The following CYTH1 variants were observed in gnomAD, a reference collection of about 807,000 sequenced individuals.
The protein encoded by CYTH1 is cytohesin-1.
In CYTH1, 18 loss-of-function variants were observed where a neutral mutation model predicts 61.8. The observed-to-expected ratio is 0.29, with a 90% CI of 0.20 to 0.43. The LOEUF is 0.43. CYTH1 is among the 20% of genes least tolerant of loss of function. CYTH1 has a pLI of 1.00. For missense variants in CYTH1, 336 were observed against 510.5 expected (o/e 0.66, Z 3.29); for synonymous variants, 174 against 184.3 (o/e 0.94, Z 0.45).
At position 78,743,282 on chromosome 17, in the gene CYTH1, C is replaced by G. The variant is rs141942369; in HGVS notation, c.23-33550G>C. ...TGGTAGAGAATTCTCCCATCATCTC[C>G]GTCCACTCACCAGCCCCTCCTTCTC... On this transcript the variant is annotated intron_variant, in intron 1 of 13. Coordinates refer to ENST00000446868, the MANE Select transcript of CYTH1 (RefSeq NM_004762.6). 1.2e-4 allele frequency among the ~76,000 whole-genome samples: 18 copies of G among 152,266 alleles called. No homozygotes were observed. In the East Asian group the frequency reaches 2.9e-3, roughly 24 times the overall value.
chr17:78,684,735 C>T (rs1017883600), intron 11 of CYTH1, among the ~76,000 whole-genome samples: 2 of 151,982 alleles, frequency 1.3e-5, no homozygotes, highest in Non-Finnish European at 2.9e-5. Context: ...TGGGATATTT[C>T]GAGTGGTATT....
intron 1 of CYTH1, among the ~76,000 whole-genome samples, chr17:78,714,634 T>C (rs539037572): frequency 1.3e-5 from 2 of 152,106 alleles, no homozygotes; most frequent in Non-Finnish European, 2.9e-5. Context: ...CCTCCATATG[T>C]AGACAGCGGA....
At chr17:78,728,519 G>C (rs1227512367) in intron 1 of CYTH1, among the ~76,000 whole-genome samples, 1 of 151,624 alleles carries the variant, frequency 6.6e-6, no homozygotes, top group Non-Finnish European at 1.5e-5. Context: ...TTGCACTCCA[G>C]CCTGGGTAAT....
rs2093421071 is a variant in CYTH1, at chr17:78,760,462, T to TATATATATGTATATATATATACATAC, written c.22+21739_22+21740insGTATGTATATATATATACATATATAT. Among the ~76,000 whole-genome samples the TATATATATGTATATATATATACATAC allele has an allele frequency of 4.1e-5, 2 of 49,284 alleles. 1 individual carries two copies. The highest frequency in any genetic ancestry group is 1.8e-4 in the African/African-American group (2 of 11,052). 32.3% of individuals were successfully genotyped at this position (49,284 alleles called of 152,430 possible). ...ATATATGTATATATATATACATACATATATATATGTATATATATGTATGTA... is the reference window on the plus strand; with the variant it reads ...ATATATGTATATATATATACATACATATATATATGTATATATATATACATACATATATATGTATATATATGTATGTA... On this transcript the variant is annotated intron_variant, in intron 1 of 13. Transcript: ENST00000446868.
chr17:78,713,412 T>C (rs2093153778), intron 1 of CYTH1, among the ~76,000 whole-genome samples: 2 of 152,220 alleles, frequency 1.3e-5, no homozygotes, highest in Admixed American at 1.3e-4. Flanking sequence ...GGCTCAATAA[T>C]TGGGATTTGA....
intron 1 of CYTH1, among the ~76,000 whole-genome samples, chr17:78,769,260 A>T (rs1472673525): frequency 2.6e-5 from 4 of 151,376 alleles, no homozygotes; most frequent in Non-Finnish European, 5.9e-5. Context: ...GCCCCCCATA[A>T]CTGTCCCCCA....
chr17:78,704,483 G>A (rs1425226933), intron 3 of CYTH1, among the ~76,000 whole-genome samples: 1 of 152,122 alleles, frequency 6.6e-6, no homozygotes, highest in Non-Finnish European at 1.5e-5. Flanking sequence ...ATGGAGGGAA[G>A]AAAATATTCC....
intron 1 of CYTH1, among the ~76,000 whole-genome samples, chr17:78,730,859 T>A (rs2144592712): frequency 6.6e-6 from 1 of 151,798 alleles, no homozygotes; most frequent in Non-Finnish European, 1.5e-5. Context: ...AGAGATGGGG[T>A]TTCACCGTGT....
At chr17:78,721,726 C>G (rs1039497421) in intron 1 of CYTH1, among the ~76,000 whole-genome samples, 1 of 152,168 alleles carries the variant, frequency 6.6e-6, no homozygotes, top group Non-Finnish European at 1.5e-5. Flanking sequence ...GGATGTCACC[C>G]AGCCCTTCTC....
chr17:78,709,817 A>G (rs2093109457), intron 1 of CYTH1, 85 bp from the exon 2 acceptor site: 1 of 1,217,974 alleles, frequency 8.2e-7, no homozygotes, highest in East Asian at 2.3e-5. Flanking sequence ...AAGGAGAAAG[A>G]TATCAAGAAA....
intron 11 of CYTH1, among the ~76,000 whole-genome samples, chr17:78,686,705 T>G (rs2092820159): frequency 6.6e-6 from 1 of 152,202 alleles, no homozygotes; most frequent in Non-Finnish European, 1.5e-5. Flanking sequence ...AGACAATTTT[T>G]CCACGGACAA....
At chr17:78,742,654 G>A (rs959846292) in intron 1 of CYTH1, among the ~76,000 whole-genome samples, 2 of 151,542 alleles carry the variant, frequency 1.3e-5, no homozygotes, top group Non-Finnish European at 2.9e-5. Flanking sequence ...GGAGTTTGAG[G>A]CCAGCCTAGC....
intron 7 of CYTH1, among the ~76,000 whole-genome samples, chr17:78,699,552 CAAT>C (rs1365349386): frequency 6.6e-6 from 1 of 152,124 alleles, no homozygotes; most frequent in East Asian, 1.9e-4. Context: ...CTGAAAAACA[CAAT>C]GTGTTTAAAA....
At chr17:78,780,979 C>T (rs1421076183) in intron 1 of CYTH1, among the ~76,000 whole-genome samples, 2 of 151,938 alleles carry the variant, frequency 1.3e-5, no homozygotes. Context: ...CACTGCACTA[C>T]AGCCTGGGCG....
chr17:78,766,768 A>G (rs1019466673), intron 1 of CYTH1, among the ~76,000 whole-genome samples: 1 of 152,186 alleles, frequency 6.6e-6, no homozygotes, highest in Non-Finnish European at 1.5e-5. Flanking sequence ...AAAAACAATG[A>G]AAAGACATAA....
rs980758182 is a variant in CYTH1, at chr17:78,687,960, G to A, written c.891+4457C>T. 5.9e-5 allele frequency among the ~76,000 whole-genome samples: 9 copies of A among 152,198 alleles called. No individual in the cohort carries two copies. The East Asian group carries it at 7.7e-4, about 13-fold the overall frequency. On this transcript the variant is annotated intron_variant, in intron 11 of 13. Transcript: ENST00000446868. ...TCTCACTCTGTGTATCACAGAAGCC[G>A]TGTGTGCTCTGCGTCCATCTCCTCC...
chr17:78,724,512 C>A (rs186993415), intron 1 of CYTH1, among the ~76,000 whole-genome samples: 153 of 152,262 alleles, frequency 1.0e-3, no homozygotes, highest in South Asian at 1.9e-3. Flanking sequence ...TGCTTAGCTG[C>A]GTCCCTGGCC....
At chr17:78,768,156 C>G (rs2093456661) in intron 1 of CYTH1, among the ~76,000 whole-genome samples, 1 of 152,154 alleles carries the variant, frequency 6.6e-6, no homozygotes, top group African/African-American at 2.4e-5. Context: ...ACAAAAAGCT[C>G]TCCACTCTGC....
intron 1 of CYTH1, among the ~76,000 whole-genome samples, chr17:78,718,540 A>G (rs989486411): frequency 1.3e-5 from 2 of 152,190 alleles, no homozygotes; most frequent in African/African-American, 2.4e-5. Flanking sequence ...TACTCGCCAC[A>G]TACCTGTGTC....
Sources: gnomAD v4.1 joint callset for allele counts (sites outside exome capture counted in the v4.1 genomes callset) on GRCh38, gnomAD v4.1.1 for gene constraint, MANE v1.5 for transcripts, NCBI Gene and HGNC (gene_info 2026-07-23, HGNC 2026-07-21) for gene names.